CBLB: variants seen among roughly 807,000 people sequenced by gnomAD.
CBLB encodes the protein Cbl proto-oncogene B.
Under a neutral mutation model 104.9 loss-of-function variants are expected in CBLB, and 31 were observed. The ratio of observed to expected loss-of-function variants is 0.30; its 90% CI spans 0.22 to 0.40. CBLB has a LOEUF of 0.40. Ranked by LOEUF, CBLB falls within the 10% of genes least tolerant of loss-of-function variation. The probability of loss-of-function intolerance (pLI) is 1.00; values close to 1 mark genes in which losing one functional copy is unlikely to be tolerated. For synonymous variants in CBLB, 440 were observed against 422.6 expected (o/e 1.04, Z -0.51); for missense variants, 1,062 against 1,214.6 (o/e 0.87, Z 1.87).
In CBLB at chr3:105,830,517, A is replaced by T. The variant is rs538002359; in HGVS notation, c.419+22897T>A. ...TCAGTCAGACTTAGTCATGAAAGAC[A>T]GGAGCCAGATTAAAAACTAGGTATT... On this transcript the variant is annotated intron_variant, in intron 3 of 18. Transcript: ENST00000394030. Among the ~76,000 whole-genome samples, 34 of 152,378 alleles carry T rather than the reference A, an allele frequency of 2.2e-4. 1 individual carries two copies. The highest frequency in any genetic ancestry group is 4.0e-4 in the Non-Finnish European group (27 of 68,032).
chr3:105,713,728 C>T (rs919374338), intron 10 of CBLB, among the ~76,000 whole-genome samples: 4 of 152,142 alleles, frequency 2.6e-5, no homozygotes, highest in African/African-American at 9.7e-5. Context: ...AAACAGAGTG[C>T]AAGTAAACGA....
At chr3:105,702,051 T>C (rs1173192599) in intron 12 of CBLB, 43 bp downstream of exon 12, 1 of 1,611,584 alleles carries the variant, frequency 6.2e-7, no homozygotes, top group Non-Finnish European at 8.5e-7. Context: ...ATCAGAAGCA[T>C]TTATAAGCAG....
intron 3 of CBLB, among the ~76,000 whole-genome samples, chr3:105,809,693 C>A (rs2084013091): frequency 6.6e-6 from 1 of 152,198 alleles, no homozygotes; most frequent in Admixed American, 6.5e-5. Context: ...GCTGCCCCAG[C>A]AAGCTGCCAA....
At chr3:105,788,940 C>A (rs887620691) in intron 3 of CBLB, among the ~76,000 whole-genome samples, 1 of 152,098 alleles carries the variant, frequency 6.6e-6, no homozygotes, top group Non-Finnish European at 1.5e-5. Flanking sequence ...GTAGAAAGAC[C>A]CAAGTATGTT....
chr3:105,867,646 C>A, intron 1 of CBLB, 55 bp from the exon 2 acceptor site: 1 of 1,522,256 alleles, frequency 6.6e-7, no homozygotes, highest in Non-Finnish European at 9.1e-7. Context: ...AAATATTTAC[C>A]CACCAGAAAA....
Position 105,867,446 on chromosome 3 carries a change from C to A in CBLB, c.132G>T (p.Arg44Ser). The A allele has an allele frequency of 3.1e-6, 5 of 1,614,196 alleles. No homozygotes were observed. The highest frequency in any genetic ancestry group is 2.2e-5 in the South Asian group (2 of 91,082). ...GPPKQAAADR[R>S]TVEKTWKLMD... is the part of the protein sequence containing the mutation. ...TGAGCTTCCAAGTCTTCTCCACGGTCCTGCGATCTGCGGCAGCTTGCTTAG... is the reference window on the plus strand; with the variant it reads ...TGAGCTTCCAAGTCTTCTCCACGGTACTGCGATCTGCGGCAGCTTGCTTAG... Residue 44 changes from arginine (R) to serine (S), a missense_variant, in exon 2 of 19, where the codon AGG becomes AGT. Around this residue, in one of 2 missense-constraint regions of CBLB, gnomAD observed 457 missense variants for 632.0 expected, o/e 0.72. Coordinates refer to ENST00000394030, the MANE Select transcript of CBLB (RefSeq NM_170662.5).
intron 3 of CBLB, among the ~76,000 whole-genome samples, chr3:105,822,684 C>G (rs1191131462): frequency 2.6e-5 from 4 of 152,176 alleles, no homozygotes; most frequent in Admixed American, 2.0e-4. Flanking sequence ...CCAAACAACT[C>G]TATCCATTTT....
intron 13 of CBLB, among the ~76,000 whole-genome samples, chr3:105,689,619 G>A (rs550162448): frequency 6.7e-6 from 1 of 150,374 alleles, no homozygotes; most frequent in African/African-American, 2.4e-5. Context: ...AATCTATTGT[G>A]TGCCAAGTAA....
intron 10 of CBLB, among the ~76,000 whole-genome samples, chr3:105,712,210 T>A (rs2071214172): frequency 6.6e-6 from 1 of 152,168 alleles, no homozygotes; most frequent in Non-Finnish European, 1.5e-5. Flanking sequence ...ACTTTAAACA[T>A]TTACACAAAT....
chr3:105,738,614 ATG>A, intron 7 of CBLB, among the ~76,000 whole-genome samples: 1 of 152,144 alleles, frequency 6.6e-6, no homozygotes, highest in African/African-American at 2.4e-5. Flanking sequence ...TACAAAAATC[ATG>A]ATTAGGGTAC....
intron 4 of CBLB, among the ~76,000 whole-genome samples, chr3:105,770,092 T>G (rs930348207): frequency 4.6e-5 from 7 of 152,088 alleles, no homozygotes; most frequent in African/African-American, 1.7e-4. Context: ...GTTTTTTTTT[T>G]TTTTTCAAGA....
chr3:105,755,016 C>CTTTTTTTTTTTTTTTTTTTTTT (rs67405809), intron 4 of CBLB, among the ~76,000 whole-genome samples: 1 of 143,830 alleles, frequency 7.0e-6, no homozygotes. Context: ...AGTATCTTTT[C>CTTTTTTTTTTTTTTTTTTTTTT]TTTTTTTTTT....
chr3:105,768,679 T>C (rs2078498774), intron 4 of CBLB, among the ~76,000 whole-genome samples: 1 of 152,206 alleles, frequency 6.6e-6, no homozygotes, highest in Non-Finnish European at 1.5e-5. Context: ...TTGAAGACTC[T>C]TGCAATCAAG....
intron 18 of CBLB, among the ~76,000 whole-genome samples, chr3:105,659,867 G>C (rs2063613504): frequency 6.6e-6 from 1 of 152,098 alleles, no homozygotes; most frequent in African/African-American, 2.4e-5. Context: ...TAGTCAACAG[G>C]CTGAACGGAA....
chr3:105,742,329 G>T (rs2075685942), intron 6 of CBLB, among the ~76,000 whole-genome samples: 1 of 152,182 alleles, frequency 6.6e-6, no homozygotes, highest in South Asian at 2.1e-4. Context: ...AATGGCTGCA[G>T]TCACTGGATT....
intron 18 of CBLB, among the ~76,000 whole-genome samples, chr3:105,664,769 C>T (rs1056745970): frequency 2.6e-5 from 4 of 152,074 alleles, no homozygotes; most frequent in African/African-American, 7.2e-5. Context: ...TTCCTAAGGT[C>T]ATGTGAAAAA....
chr3:105,757,471 G>A (rs534062796), intron 4 of CBLB, among the ~76,000 whole-genome samples: 1 of 152,160 alleles, frequency 6.6e-6, no homozygotes, highest in Non-Finnish European at 1.5e-5. Flanking sequence ...GAGAGAGGGC[G>A]TCTTCCAAGA....
rs2083472697 is a variant in CBLB, at chr3:105,806,205, G to A, written c.420-29663C>T. ...AATTGATTCTGGGTTTAAAAACTCA[G>A]AAATTCAGAGAGATTTTTAATTCTC... On this transcript the variant is annotated intron_variant, in intron 3 of 18. Coordinates refer to ENST00000394030, the MANE Select transcript of CBLB (RefSeq NM_170662.5). Among the ~76,000 whole-genome samples, 4 of 152,044 alleles carry A rather than the reference G, an allele frequency of 2.6e-5. No individual in the cohort carries two copies. The South Asian group carries it at 8.3e-4, about 32-fold the overall frequency.
chr3:105,841,087 A>G (rs1156478426), intron 3 of CBLB, among the ~76,000 whole-genome samples: 3 of 152,218 alleles, frequency 2.0e-5, no homozygotes, highest in Admixed American at 6.5e-5. Context: ...TAAGGTCAGG[A>G]GTTTGAGACC....
Sources: allele counts gnomAD v4.1 joint callset (sites outside exome capture counted in the v4.1 genomes callset), GRCh38; gene constraint gnomAD v4.1.1; regional missense constraint gnomAD v4.1.1; transcripts MANE v1.5; gene names NCBI Gene and HGNC (gene_info 2026-07-23, HGNC 2026-07-21).